The following UNC45A variants were observed in gnomAD, a reference collection of about 807,000 sequenced individuals.
UNC45A encodes unc-45 myosin chaperone A, also known as protein unc-45 homolog A.
UNC45A carries 78 observed loss-of-function variants against 103.2 expected under a neutral mutation model. The ratio of observed to expected loss-of-function variants is 0.76; its 90% CI spans 0.63 to 0.91. The LOEUF is 0.91. Ranked by LOEUF, UNC45A falls within the 40% of genes least tolerant of loss-of-function variation. UNC45A has a pLI of 0.00. For synonymous variants in UNC45A, 495 were observed against 504.6 expected (o/e 0.98, Z 0.25); for missense variants, 1,193 against 1,224.8 (o/e 0.97, Z 0.39).
chr15:90,935,929 C>G lies in UNC45A; in HGVS notation c.214-17C>G. 6.2e-7 allele frequency: 1 copy of G among 1,614,106 alleles called. No homozygotes were observed. The highest frequency in any genetic ancestry group is 1.3e-5 in the African/African-American group (1 of 75,046). On this transcript the variant is annotated splice_polypyrimidine_tract_variant and intron_variant, in intron 2 of 19. Transcript: ENST00000418476. ...GGGAGATGACCATTCCTTCAGGCTC[C>G]TGTCTTTCTCTTACAGGAAGATTAC...
chr15:90,935,800 A>T, intron 2 of UNC45A, 95 bp downstream of exon 2: 1 of 1,528,530 alleles, frequency 6.5e-7, no homozygotes, highest in Non-Finnish European at 8.8e-7. Flanking sequence ...TCACGCTCCC[A>T]GGCCATCCCC....
upstream of UNC45A, chr15:90,932,569 G>T (rs1347142005): frequency 2.5e-6 from 3 of 1,204,648 alleles, no homozygotes; most frequent in Non-Finnish European, 3.1e-6. Context: ...GACTGCGGCC[G>T]CAGGGGCAGG....
intron 8 of UNC45A, among the ~76,000 whole-genome samples, chr15:90,944,527 G>T (rs536420666): frequency 6.6e-6 from 1 of 152,296 alleles, no homozygotes; most frequent in East Asian, 1.9e-4. Context: ...GTCCCACGAG[G>T]TGTGTCTATT....
intron 17 of UNC45A, chr15:90,952,265 G>GAA (rs2036955779): frequency 6.6e-6 from 1 of 152,272 alleles, no homozygotes; most frequent in African/African-American, 2.4e-5. Flanking sequence ...AGATTTAATT[G>GAA]CTTCCTGGCT....
At chr15:90,932,494 G>A (rs958761340), upstream of UNC45A, 2 of 1,309,082 alleles carry the variant, frequency 1.5e-6, no homozygotes, top group African/African-American at 3.0e-5. Flanking sequence ...GTGCTTGCGA[G>A]CCGCGAAGTC....
Position 90,953,740 on chromosome 15 carries a change from C to A in UNC45A, c.*24C>A. The A allele has an allele frequency of 6.2e-7, 1 of 1,608,268 alleles. No individual in the cohort carries two copies. Among genetic ancestry groups the A allele is most frequent in the Non-Finnish European group, 8.5e-7 (1 of 1,176,572 alleles). On this transcript the variant is annotated 3_prime_UTR_variant, in exon 20 of 20. Coordinates refer to ENST00000418476, the MANE Select transcript of UNC45A (RefSeq NM_018671.5). ...GAGGGGGTTGTCCCTGGGCCCAAGG[C>A]TCATGCACACGCTACCTATTGTGGC...
chr15:90,944,108 T>C (rs2036438544), intron 8 of UNC45A, among the ~76,000 whole-genome samples: 1 of 146,800 alleles, frequency 6.8e-6, no homozygotes, highest in Non-Finnish European at 1.5e-5. Context: ...AAATAAGAGC[T>C]GGGCGTGGTG....
upstream of UNC45A, chr15:90,931,847 ACCT>A: frequency 6.2e-7 from 1 of 1,613,848 alleles, no homozygotes; most frequent in Non-Finnish European, 8.5e-7. Context: ...GTCATCTGTT[ACCT>A]CCTCCACCAG....
At position 90,946,802 on chromosome 15, in the gene UNC45A, A is replaced by G. The variant is rs1353675677; in HGVS notation, c.1388A>G (p.His463Arg). 3 of 1,614,126 alleles carry G rather than the reference A, an allele frequency of 1.9e-6. No homozygotes were observed. The highest frequency in any genetic ancestry group is 2.5e-6 in the Non-Finnish European group (3 of 1,180,054). The change falls in exon 10 of 20, where the codon CAT (histidine) becomes CGT (arginine). Residue 463 changes from histidine to arginine, a missense_variant. Transcript: ENST00000418476. ...CTGGTGGCCGTGGAGGCTCTGATCC[A>G]TGCAGCCGGCAAGGCTAAGCGGGCC... is the stretch of plus-strand genomic sequence containing the variant. ...EQLVAVEALI[H>R]AAGKAKRASF... is the part of the protein sequence containing the mutation.
rs551994272 is a variant in UNC45A at position 90,938,046 on chromosome 15, C to T, written c.426+1586C>T. On this transcript the variant is annotated intron_variant, in intron 4 of 19. Transcript: ENST00000418476. ...TCCTAGGCTCAAGGGATCTACTCAC[C>T]TCAGCCTCCCAACTGGCTGGGATAA... Among the ~76,000 whole-genome samples the T allele has an allele frequency of 2.6e-5, 4 of 152,262 alleles. No homozygotes were observed. In the East Asian group the frequency reaches 5.8e-4, roughly 22 times the overall value.
Position 90,953,042 on chromosome 15 carries a change from A to G in UNC45A, c.2417A>G (p.Lys806Arg). Residue 806 changes from lysine (K) to arginine (R), a missense_variant, in exon 18 of 20, where the codon AAG (lysine) becomes AGG (arginine). By Grantham distance (26) the Lys-to-Arg change is conservative. Coordinates refer to ENST00000418476, the MANE Select transcript of UNC45A (RefSeq NM_018671.5). ...TGCATGTGTAACTTGGCCATGAGCA[A>G]GGAGGTGAGGGTTGGTCTGGGTGCT... ...TECMCNLAMSKEVQDLFEAQG... is the reference protein window; with the variant it reads ...TECMCNLAMSREVQDLFEAQG... The G allele has an allele frequency of 6.2e-7, 1 of 1,613,600 alleles. No homozygotes were observed. The highest frequency in any genetic ancestry group is 8.5e-7 in the Non-Finnish European group (1 of 1,180,022).
chr15:90,951,069 A>AT (rs1357924545), intron 17 of UNC45A, among the ~76,000 whole-genome samples: 1 of 152,124 alleles, frequency 6.6e-6, no homozygotes, highest in Non-Finnish European at 1.5e-5. Flanking sequence ...GGGCAGTGGC[A>AT]TGATCTCAGC....
At chr15:90,934,967 T>C (rs2035927132), upstream of UNC45A, 3 of 484,302 alleles carry the variant, frequency 6.2e-6, no homozygotes, top group Admixed American at 3.9e-5. Flanking sequence ...CTCCTAGTGC[T>C]GGGCCTCTAC....
In UNC45A at chr15:90,949,616, C is replaced by T. The variant is rs1486966859; in HGVS notation, c.2007-38C>T. On this transcript the variant is annotated intron_variant, in intron 14 of 19. Coordinates refer to ENST00000418476, the MANE Select transcript of UNC45A (RefSeq NM_018671.5). ...GAGTGCAGCGTCTGCCTGCCAGAGT[C>T]CCAGAGCTGCCTGCCCACCACCGCC... The T allele has an allele frequency of 4.3e-6, 7 of 1,612,464 alleles. No individual in the cohort carries two copies. In the South Asian group the frequency reaches 6.6e-5, roughly 15 times the overall value.
chr15:90,938,572 G>C (rs2036131586), intron 4 of UNC45A, among the ~76,000 whole-genome samples: 1 of 152,136 alleles, frequency 6.6e-6, no homozygotes, highest in East Asian at 1.9e-4. Flanking sequence ...AGAGAGGAAG[G>C]CGGGTGGTCC....
Position 90,948,224 on chromosome 15 carries a change from G to A in UNC45A, c.1678G>A (p.Val560Met), listed in dbSNP as rs764193639. ...GGCTTACCTGACCTTTGATGCCGAC[G>A]TGAAGGAAGAGTTTGTGGAGGATGC... is the stretch of plus-strand genomic sequence containing the variant. ...GLAYLTFDAD[V>M]KEEFVEDAAA... The change falls in exon 12 of 20, where the codon GTG (valine) becomes ATG (methionine). Residue 560 changes from valine (V) to methionine (M), a missense_variant. By Grantham distance (21) the Val-to-Met change is conservative (BLOSUM62 1). Transcript: ENST00000418476. The A allele has an allele frequency of 8.1e-6, 13 of 1,614,178 alleles. No individual in the cohort carries two copies. The highest frequency in any genetic ancestry group is 7.7e-5 in the South Asian group (7 of 91,088).
At chr15:90,952,191 G>C (rs944026784) in intron 17 of UNC45A, 2 of 152,252 alleles carry the variant, frequency 1.3e-5, no homozygotes, top group African/African-American at 4.8e-5. Flanking sequence ...GATGCTGCCG[G>C]TGTTAGTCTG....
At chr15:90,950,355 G>C (rs956270918) in intron 16 of UNC45A, 88 bp downstream of exon 16, 3 of 1,495,202 alleles carry the variant, frequency 2.0e-6, no homozygotes. Flanking sequence ...GGACCAGCAG[G>C]AAGTTTCAGC....
chr15:90,946,579 C>G (rs1257708017), intron 9 of UNC45A, 35 bp from the exon 10 acceptor site: 1 of 1,558,814 alleles, frequency 6.4e-7, no homozygotes. Flanking sequence ...TTTATGTTGG[C>G]CTTGGTGTGA....
Sources: allele counts gnomAD v4.1 joint callset (sites outside exome capture counted in the v4.1 genomes callset), GRCh38; gene constraint gnomAD v4.1.1; transcripts MANE v1.5; gene names NCBI Gene and HGNC (gene_info 2026-07-23, HGNC 2026-07-21).